The following EIF4E2 variants were observed in gnomAD, a reference collection of about 807,000 sequenced individuals.
EIF4E2 encodes eukaryotic translation initiation factor 4E type 2.
In EIF4E2, 13 loss-of-function variants were observed where a neutral mutation model predicts 34.2. That is an observed-to-expected ratio of 0.38 (90% CI 0.25 to 0.60). EIF4E2 has a LOEUF of 0.60. Ranked by LOEUF, EIF4E2 falls within the 20% of genes least tolerant of loss-of-function variation. EIF4E2 has a pLI of 0.62. For missense variants in EIF4E2, 222 were observed against 315.1 expected (o/e 0.70, Z 2.24); for synonymous variants, 100 against 106.6 (o/e 0.94, Z 0.38).
intron 4 of EIF4E2, among the ~76,000 whole-genome samples, chr2:232,565,229 C>A (rs1692879518): frequency 6.6e-6 from 1 of 152,248 alleles, no homozygotes; most frequent in Non-Finnish European, 1.5e-5. Flanking sequence ...ATCTCTAAAT[C>A]TTCCCTTCCC....
chr2:232,567,516 A>G, intron 6 of EIF4E2: 1 of 1,242,642 alleles, frequency 8.0e-7, no homozygotes, highest in Non-Finnish European at 1.0e-6. Flanking sequence ...CTATCTTAAA[A>G]TGAAAGACAA....
At chr2:232,557,317 G>T (rs1341302311) in intron 2 of EIF4E2, among the ~76,000 whole-genome samples, 1 of 151,914 alleles carries the variant, frequency 6.6e-6, no homozygotes, top group Non-Finnish European at 1.5e-5. Context: ...CCCTCCAAGG[G>T]TTACTAGCAT....
chr2:232,564,445 T>G (rs1692841763), intron 4 of EIF4E2, 94 bp downstream of exon 4: 2 of 503,360 alleles, frequency 4.0e-6, no homozygotes, highest in Non-Finnish European at 6.4e-6. Context: ...TATTTTATTT[T>G]ATTTTATTTT....
At chr2:232,553,331 C>T (rs752477782) in intron 1 of EIF4E2, among the ~76,000 whole-genome samples, 3 of 152,216 alleles carry the variant, frequency 2.0e-5, no homozygotes, top group African/African-American at 7.2e-5. Flanking sequence ...TATTCTATAT[C>T]GTTAACTTTG....
intron 2 of EIF4E2, 46 bp from the exon 3 acceptor site, chr2:232,557,838 C>T (rs1455369048): frequency 5.6e-6 from 9 of 1,600,582 alleles, no homozygotes; most frequent in Non-Finnish European, 7.7e-6. Context: ...CAGTCTCAGA[C>T]CACGTGACAA....
chr2:232,558,991 A>G (rs956403709), intron 3 of EIF4E2, among the ~76,000 whole-genome samples: 2 of 151,722 alleles, frequency 1.3e-5, no homozygotes, highest in African/African-American at 4.9e-5. Flanking sequence ...TGTGCTGTAC[A>G]TTCAATCTCT....
chr2:232,550,834 C>T, intron 1 of EIF4E2, 90 bp downstream of exon 1: 2 of 1,263,198 alleles, frequency 1.6e-6, no homozygotes, highest in Non-Finnish European at 2.2e-6. Flanking sequence ...GCAAACCCTG[C>T]GGCACCGGCT....
downstream of EIF4E2, chr2:232,573,759 A>T: frequency 3.5e-5 from 10 of 282,420 alleles, no homozygotes; most frequent in South Asian, 1.1e-4. Context: ...AGAAGGTCGG[A>T]AATATGAAAA....
At chr2:232,576,449 A>G (rs1277832230) in intron 6 of EIF4E2, among the ~76,000 whole-genome samples, 1 of 152,192 alleles carries the variant, frequency 6.6e-6, no homozygotes, top group Non-Finnish European at 1.5e-5. Flanking sequence ...ATTGCCGTAA[A>G]AAGTCATATA....
intron 6 of EIF4E2, chr2:232,580,828 C>T (rs996727399): frequency 7.6e-7 from 1 of 1,321,630 alleles, no homozygotes; most frequent in Non-Finnish European, 1.0e-6. Context: ...GAGTCAGCAT[C>T]CCCCTGTATA....
chr2:232,557,194 G>A (rs371055047), intron 2 of EIF4E2, among the ~76,000 whole-genome samples: 7 of 152,180 alleles, frequency 4.6e-5, no homozygotes, highest in East Asian at 3.8e-4. Flanking sequence ...GCAGTGAGCC[G>A]AGGTCGCGCC....
At chr2:232,553,521 C>T (rs1455490094) in intron 1 of EIF4E2, among the ~76,000 whole-genome samples, 1 of 152,186 alleles carries the variant, frequency 6.6e-6, no homozygotes, top group African/African-American at 2.4e-5. Flanking sequence ...TGAGGAAATA[C>T]GTGGGCAGAA....
chr2:232,563,054 C>A (rs1052751773), intron 3 of EIF4E2, among the ~76,000 whole-genome samples: 3 of 152,198 alleles, frequency 2.0e-5, no homozygotes, highest in African/African-American at 7.2e-5. Flanking sequence ...AGAAGTATGA[C>A]CTGAATCTTT....
At chr2:232,557,796 G>A in intron 2 of EIF4E2, 88 bp from the exon 3 acceptor site, 1 of 1,420,396 alleles carries the variant, frequency 7.0e-7, no homozygotes. Flanking sequence ...AATTGTGGAG[G>A]TGGTAAGGAT....
At chr2:232,580,792 A>AATC (rs1201196236) in intron 6 of EIF4E2, 2 of 925,582 alleles carry the variant, frequency 2.2e-6, no homozygotes, top group Admixed American at 4.9e-5. Flanking sequence ...GCCCCGGGAT[A>AATC]TGTCATGGAG....
chr2:232,557,919 G>A lies in EIF4E2; in HGVS notation c.171G>A (p.Gln57=). Residue 57 remains glutamine (Q), a synonymous_variant, in exon 3 of 7, where the codon CAG becomes CAA. Coordinates refer to ENST00000258416, the MANE Select transcript of EIF4E2 (RefSeq NM_004846.4). ...CTGGACCGGCAGAGCATCCCCTGCA[G>A]TACAACTACACTTTTTGGTACTCCA... The part of the protein sequence containing the change: ...VVPGPAEHPL[Q]YNYTFWYSRR... The A allele has an allele frequency of 6.2e-7, 1 of 1,613,968 alleles. No homozygotes were observed. Among genetic ancestry groups the A allele is most frequent in the South Asian group, 1.1e-5 (1 of 91,068 alleles).
rs1311231674 is a variant in EIF4E2 at position 232,551,314 on chromosome 2, C to G, written c.20+570C>G. 8.5e-6 allele frequency: 4 copies of G among 470,856 alleles called. No homozygotes were observed. In the Admixed American group the frequency reaches 9.4e-5, roughly 11 times the overall value. 29.2% of individuals were successfully genotyped at this position (470,856 alleles called of 1,614,324 possible). Reference sequence around the variant, plus strand: ...TTTCTTTCTCCTCCCCTTCCCGTTCCCGTCTTCCAACACACTCGCCAAGAC... The same window carrying G: ...TTTCTTTCTCCTCCCCTTCCCGTTCGCGTCTTCCAACACACTCGCCAAGAC... On this transcript the variant is annotated intron_variant, in intron 1 of 6. Coordinates refer to ENST00000258416, the MANE Select transcript of EIF4E2 (RefSeq NM_004846.4).
intron 4 of EIF4E2, among the ~76,000 whole-genome samples, chr2:232,565,505 G>C (rs73101836): frequency 6.6e-6 from 1 of 151,916 alleles, no homozygotes; most frequent in Non-Finnish European, 1.5e-5. Flanking sequence ...GTGGTGGCAC[G>C]CGCCTGTAAT....
Position 232,569,145 on chromosome 2 carries a change from AAGAACAG to A in EIF4E2, c.*129_*135del. On this transcript the variant is annotated 3_prime_UTR_variant, in exon 7 of 7. Coordinates refer to ENST00000258416, the MANE Select transcript of EIF4E2 (RefSeq NM_004846.4). ...GAATTGGAAGAGCATTTTATGTTTT[AAGAACAG>A]GCTGACACGCAGCAGCTACAACAAC... The A allele has an allele frequency of 2.0e-6, 3 of 1,491,794 alleles. No individual in the cohort carries two copies. Among genetic ancestry groups the A allele is most frequent in the Non-Finnish European group, 1.8e-6 (2 of 1,120,604 alleles). The allele number at this position is 1,491,794 out of a possible 1,614,324, so 92.4% of individuals were successfully genotyped here.
Sources: allele counts gnomAD v4.1 joint callset (sites outside exome capture counted in the v4.1 genomes callset), GRCh38; gene constraint gnomAD v4.1.1; transcripts MANE v1.5; gene names NCBI Gene and HGNC (gene_info 2026-07-23, HGNC 2026-07-21).